The following FER variants were observed in gnomAD, a reference collection of about 807,000 sequenced individuals.
FER encodes tyrosine-protein kinase Fer.
A neutral mutation model predicts 111.0 loss-of-function variants in FER; 63 were observed. The observed-to-expected ratio is 0.57, with a 90% CI of 0.46 to 0.70. The LOEUF (loss-of-function observed/expected upper bound fraction) is 0.70, where lower values mean the gene tolerates loss of function less well. Ranked by LOEUF, FER falls within the 30% of genes least tolerant of loss-of-function variation. The pLI is 0.00. For synonymous variants in FER, 327 were observed against 313.9 expected, an observed-to-expected ratio of 1.04 and a Z score of -0.44; for missense variants, 914 against 954.0, an observed-to-expected ratio of 0.96 and a Z score of 0.55.
chr5:108,907,308 T>TTTTC (rs1561596102), intron 10 of FER, among the ~76,000 whole-genome samples: 5 of 151,886 alleles, frequency 3.3e-5, no homozygotes, highest in Non-Finnish European at 7.4e-5. Flanking sequence ...CTTTTCTTTT[T>TTTTC]TTTTGAGATG....
intron 13 of FER, among the ~76,000 whole-genome samples, chr5:108,966,652 C>T (rs767890947): frequency 6.6e-6 from 1 of 152,096 alleles, no homozygotes; most frequent in African/African-American, 2.4e-5. Flanking sequence ...TCCCAAAGTG[C>T]TGGGATTACA....
intron 16 of FER, among the ~76,000 whole-genome samples, chr5:109,069,881 C>G (rs1775566839): frequency 6.6e-6 from 1 of 151,982 alleles, no homozygotes; most frequent in Non-Finnish European, 1.5e-5. Flanking sequence ...TGTTTTACTT[C>G]ATTTGTTATT....
At chr5:109,050,719 C>T (rs1772670102) in intron 16 of FER, among the ~76,000 whole-genome samples, 1 of 152,074 alleles carries the variant, frequency 6.6e-6, no homozygotes, top group Admixed American at 6.6e-5. Flanking sequence ...TGGGCCTTGT[C>T]TGAATTTTAA....
At chr5:109,007,127 T>C (rs943704611) in intron 13 of FER, among the ~76,000 whole-genome samples, 1 of 152,206 alleles carries the variant, frequency 6.6e-6, no homozygotes, top group Non-Finnish European at 1.5e-5. Context: ...AAAGTTTTAA[T>C]TACATTGTCT....
At chr5:108,904,873 A>G (rs1183002045) in intron 10 of FER, among the ~76,000 whole-genome samples, 1 of 152,140 alleles carries the variant, frequency 6.6e-6, no homozygotes, top group Non-Finnish European at 1.5e-5. Context: ...TGTGGCATGA[A>G]TTTTACCATG....
intron 13 of FER, among the ~76,000 whole-genome samples, chr5:109,008,819 A>C (rs1263066859): frequency 6.6e-6 from 1 of 151,908 alleles, no homozygotes; most frequent in Non-Finnish European, 1.5e-5. Flanking sequence ...AAAAATACAA[A>C]ATTAACCAGG....
At chr5:109,184,721 A>G (rs1758670461) in intron 18 of FER, among the ~76,000 whole-genome samples, 1 of 152,248 alleles carries the variant, frequency 6.6e-6, no homozygotes, top group African/African-American at 2.4e-5. Flanking sequence ...AAAAATGTCC[A>G]TAATTACTAT....
chr5:108,829,709 CT>C (rs1055697235), intron 3 of FER, among the ~76,000 whole-genome samples: 1 of 152,014 alleles, frequency 6.6e-6, no homozygotes, highest in Non-Finnish European at 1.5e-5. Flanking sequence ...TTCCTCCTTC[CT>C]TTTTTTCTTT....
intron 17 of FER, among the ~76,000 whole-genome samples, chr5:109,124,443 C>A (rs1751404178): frequency 6.6e-6 from 1 of 152,150 alleles, no homozygotes; most frequent in Non-Finnish European, 1.5e-5. Context: ...TCATTAAACC[C>A]CTTCGTAAAT....
At chr5:109,065,794 G>T (rs372697569) in intron 16 of FER, among the ~76,000 whole-genome samples, 1 of 152,088 alleles carries the variant, frequency 6.6e-6, no homozygotes, top group African/African-American at 2.4e-5. Context: ...GCTTTCATTT[G>T]TCCTTTCCTG....
chr5:109,091,652 C>T (rs1309925784), intron 16 of FER, among the ~76,000 whole-genome samples: 10 of 152,260 alleles, frequency 6.6e-5, no homozygotes, highest in Admixed American at 2.6e-4. Context: ...CCCTTGAGAG[C>T]GGCAATGTAC....
intron 14 of FER, 91 bp from the exon 15 acceptor site, chr5:109,044,589 C>T (rs1194263657): frequency 1.6e-6 from 1 of 613,594 alleles, no homozygotes; most frequent in Middle Eastern, 2.7e-4. Context: ...TGTAGGTAAG[C>T]ACCTCCTCCT....
Position 108,780,962 on chromosome 5 carries a change from C to A in FER, c.-60+12724C>A, listed in dbSNP as rs187220490. ...AATTGAACCCAACATAGGCATTCTTCATTTCTGTTACAGTGTTTTTGATCT... is the reference window on the plus strand; with the variant it reads ...AATTGAACCCAACATAGGCATTCTTAATTTCTGTTACAGTGTTTTTGATCT... On this transcript the variant is annotated intron_variant, in intron 2 of 19. Transcript: ENST00000281092. Among the ~76,000 whole-genome samples, 317 of 152,156 alleles carry A rather than the reference C, an allele frequency of 2.1e-3. 3 individuals carry two copies. Among genetic ancestry groups the A allele is most frequent in the African/African-American group, 7.1e-3 (294 of 41,532 alleles).
intron 16 of FER, among the ~76,000 whole-genome samples, chr5:109,088,648 T>C (rs184880955): frequency 8.5e-5 from 13 of 152,266 alleles, no homozygotes; most frequent in Admixed American, 8.5e-4. Flanking sequence ...GTTTTATTGT[T>C]CTAAGATTAT....
intron 13 of FER, among the ~76,000 whole-genome samples, chr5:109,028,156 C>T (rs1029597353): frequency 6.6e-6 from 1 of 152,044 alleles, no homozygotes; most frequent in African/African-American, 2.4e-5. Context: ...AAAATTGACT[C>T]ATAACTCTGC....
intron 17 of FER, among the ~76,000 whole-genome samples, chr5:109,149,412 C>T (rs1049206017): frequency 6.6e-6 from 1 of 152,170 alleles, no homozygotes; most frequent in Non-Finnish European, 1.5e-5. Context: ...CCCAACCCAC[C>T]TCTAATGGAA....
At chr5:108,909,288 G>A (rs1047683766) in intron 10 of FER, among the ~76,000 whole-genome samples, 1 of 151,994 alleles carries the variant, frequency 6.6e-6, no homozygotes, top group African/African-American at 2.4e-5. Flanking sequence ...ATAGTATTGT[G>A]CAGAAAGTTG....
intron 5 of FER, among the ~76,000 whole-genome samples, chr5:108,862,901 T>C (rs1344346622): frequency 6.6e-6 from 1 of 152,140 alleles, no homozygotes; most frequent in African/African-American, 2.4e-5. Flanking sequence ...AGGCAGCTTC[T>C]GTAGCAGGAG....
At chr5:108,852,906 A>G (rs1348597423) in intron 5 of FER, among the ~76,000 whole-genome samples, 2 of 152,168 alleles carry the variant, frequency 1.3e-5, no homozygotes, top group Non-Finnish European at 2.9e-5. Flanking sequence ...AATATATGGG[A>G]TGGAATATGC....
Sources: allele counts gnomAD v4.1 joint callset (sites outside exome capture counted in the v4.1 genomes callset), GRCh38; gene constraint gnomAD v4.1.1; transcripts MANE v1.5; gene names NCBI Gene and HGNC (gene_info 2026-07-23, HGNC 2026-07-21).